Variants in RBFOX1 observed in about 807,000 individuals in gnomAD.
RBFOX1 encodes RNA binding protein fox-1 homolog 1.
A neutral mutation model predicts 57.7 loss-of-function variants in RBFOX1; 8 were observed. That is an observed-to-expected ratio of 0.14 (90% CI 0.08 to 0.25). RBFOX1 has a LOEUF of 0.25. Ranked by LOEUF, RBFOX1 falls within the 10% of genes least tolerant of loss-of-function variation. The pLI is 1.00. For synonymous variants in RBFOX1, 326 were observed against 222.4 expected (o/e 1.47, Z -4.15); for missense variants, 611 against 548.5 (o/e 1.11, Z -1.14).
At chr16:7,634,960 C>G (rs549345489) in intron 11 of RBFOX1, among the ~76,000 whole-genome samples, 1 of 152,332 alleles carries the variant, frequency 6.6e-6, no homozygotes, top group East Asian at 1.9e-4. Flanking sequence ...AGAAACAATT[C>G]AACCCCTTAA....
intron 11 of RBFOX1, among the ~76,000 whole-genome samples, chr16:7,639,954 G>C (rs190404833): frequency 6.6e-6 from 1 of 152,170 alleles, no homozygotes; most frequent in African/African-American, 2.4e-5. Flanking sequence ...GTGAACTCCA[G>C]AGATTATTCT....
At chr16:7,531,971 T>C (rs1225821222) in intron 5 of RBFOX1, among the ~76,000 whole-genome samples, 3 of 152,100 alleles carry the variant, frequency 2.0e-5, no homozygotes, top group Non-Finnish European at 4.4e-5. Context: ...TTTGGCAAGC[T>C]CACAAGAGGA....
intron 4 of RBFOX1, among the ~76,000 whole-genome samples, chr16:7,160,072 G>T (rs1352915297): frequency 1.3e-5 from 2 of 152,110 alleles, no homozygotes; most frequent in Non-Finnish European, 2.9e-5. Flanking sequence ...ATATTCAAGG[G>T]ACTCATAACA....
intron 4 of RBFOX1, among the ~76,000 whole-genome samples, chr16:7,372,990 G>A (rs971605112): frequency 6.6e-6 from 1 of 151,424 alleles, no homozygotes; most frequent in East Asian, 2.0e-4. Context: ...GGAGTGCAGT[G>A]GTGCATTCTT....
intron 2 of RBFOX1, among the ~76,000 whole-genome samples, chr16:6,647,504 T>A (rs1014417534): frequency 1.3e-5 from 2 of 152,122 alleles, no homozygotes; most frequent in Admixed American, 1.3e-4. Flanking sequence ...TGCCTTAGAC[T>A]CCCAAAGTGA....
rs549584619 is a variant in RBFOX1 at position 7,611,249 on chromosome 16, G to C, written c.676+3911G>C. Among the ~76,000 whole-genome samples, 3 of 152,262 alleles carry C rather than the reference G, an allele frequency of 2.0e-5. No individual in the cohort carries two copies. The East Asian group carries it at 5.8e-4, about 29-fold the overall frequency. On this transcript the variant is annotated intron_variant, in intron 10 of 15. Transcript: ENST00000550418. ...TCCTAAAGGTAATTTTCTTAGTTTA[G>C]TAGACTTGTCCCTAACATTTATTTT... is the stretch of plus-strand genomic sequence containing the variant.
intron 2 of RBFOX1, among the ~76,000 whole-genome samples, chr16:6,497,490 A>C (rs894462663): frequency 2.0e-5 from 3 of 152,070 alleles, no homozygotes; most frequent in African/African-American, 7.2e-5. Context: ...GCTCTTCAAA[A>C]TGCCGCAATG....
At chr16:7,187,790 A>G (rs1415122837) in intron 4 of RBFOX1, among the ~76,000 whole-genome samples, 1 of 151,592 alleles carries the variant, frequency 6.6e-6, no homozygotes, top group Non-Finnish European at 1.5e-5. Context: ...AATAATATTC[A>G]TCAGCATTTT....
At chr16:6,953,246 C>G (rs1300909564) in intron 3 of RBFOX1, among the ~76,000 whole-genome samples, 2 of 152,074 alleles carry the variant, frequency 1.3e-5, no homozygotes, top group African/African-American at 2.4e-5. Flanking sequence ...ACTCTTTAAT[C>G]AAATAAAACC....
At position 6,802,830 on chromosome 16, in the gene RBFOX1, T is replaced by C. The variant is rs372140380; in HGVS notation, c.-16+148180T>C. Reference sequence around the variant, plus strand: ...AAAATATTTTTCGGAGACTTGGCTATGAAGAATTTTATAAACTAACTTAAG... The same window carrying C: ...AAAATATTTTTCGGAGACTTGGCTACGAAGAATTTTATAAACTAACTTAAG... On this transcript the variant is annotated intron_variant, in intron 3 of 15. Coordinates refer to ENST00000550418, the MANE Select transcript of RBFOX1 (RefSeq NM_018723.4). Among the ~76,000 whole-genome samples, 40 of 152,374 alleles carry C rather than the reference T, an allele frequency of 2.6e-4. 1 individual carries two copies. The highest frequency in any genetic ancestry group is 2.5e-3 in the East Asian group (13 of 5,186).
intron 2 of RBFOX1, among the ~76,000 whole-genome samples, chr16:6,329,161 T>C (rs2082712936): frequency 6.6e-6 from 1 of 152,222 alleles, no homozygotes; most frequent in Non-Finnish European, 1.5e-5. Context: ...GCTGAATTCC[T>C]ACCTGACTCC....
chr16:5,927,189 T>C (rs1465396179), intron 4 of RBFOX1, among the ~76,000 whole-genome samples: 6 of 152,204 alleles, frequency 3.9e-5, no homozygotes, highest in African/African-American at 1.4e-4. Flanking sequence ...TAAAACAATG[T>C]TACTAAATTC....
intron 1 of RBFOX1, among the ~76,000 whole-genome samples, chr16:6,077,002 A>G (rs1468358417): frequency 6.6e-6 from 1 of 152,308 alleles, no homozygotes; most frequent in East Asian, 1.9e-4. Flanking sequence ...TTGACAGCCA[A>G]TATCTAGCCT....
rs189381908 is a variant in RBFOX1 at position 5,756,862 on chromosome 16, A to G, written c.319-110441A>G. On this transcript the variant is annotated intron_variant, in intron 3 of 19. Coordinates refer to the RBFOX1 transcript ENST00000641259. The stretch of plus-strand genomic sequence containing the variant: ...CAGGTACTGAGTGTTTATTGCATGC[A>G]GAAACTGGGCTAAGCACGTTACATT... Among the ~76,000 whole-genome samples, 624 of 152,332 alleles carry G rather than the reference A, an allele frequency of 4.1e-3. 4 individuals are homozygous for G. The highest frequency in any genetic ancestry group is 0.017 in the Middle Eastern group (5 of 294).
intron 2 of RBFOX1, among the ~76,000 whole-genome samples, chr16:6,511,026 G>A (rs923293237): frequency 6.6e-6 from 1 of 152,136 alleles, no homozygotes; most frequent in African/African-American, 2.4e-5. Flanking sequence ...AGTTCTGAGG[G>A]GTGTATGTTT....
intron 3 of RBFOX1, among the ~76,000 whole-genome samples, chr16:5,767,241 C>G (rs1321262242): frequency 1.3e-5 from 2 of 152,202 alleles, no homozygotes; most frequent in African/African-American, 4.8e-5. Context: ...CTCTTGTCTT[C>G]TTTTGGCCTG....
At chr16:6,032,834 T>G (rs771076435) in intron 1 of RBFOX1, among the ~76,000 whole-genome samples, 13 of 152,084 alleles carry the variant, frequency 8.5e-5, no homozygotes, top group Non-Finnish European at 1.8e-4. Flanking sequence ...TGTAATATAA[T>G]TTGTCTTTTC....
At chr16:7,290,611 T>C (rs1022555799) in intron 4 of RBFOX1, among the ~76,000 whole-genome samples, 1 of 152,238 alleles carries the variant, frequency 6.6e-6, no homozygotes, top group Non-Finnish European at 1.5e-5. Context: ...TTTTCAAATT[T>C]GCTCATTCAC....
intron 3 of RBFOX1, among the ~76,000 whole-genome samples, chr16:6,709,349 C>G (rs2063333967): frequency 6.6e-6 from 1 of 152,060 alleles, no homozygotes; most frequent in African/African-American, 2.4e-5. Flanking sequence ...TCATTTTGCT[C>G]TTGATTTAAA....
Sources: allele counts gnomAD v4.1 joint callset (sites outside exome capture counted in the v4.1 genomes callset), GRCh38; gene constraint gnomAD v4.1.1; transcripts MANE v1.5; gene names NCBI Gene and HGNC (gene_info 2026-07-23, HGNC 2026-07-21).